Variants in LRP1B observed in about 807,000 individuals in gnomAD.
LRP1B encodes LDL receptor related protein 1B.
LRP1B carries 217 observed loss-of-function variants against 556.6 expected under a neutral mutation model. The ratio of observed to expected loss-of-function variants is 0.39; its 90% CI spans 0.35 to 0.44. The LOEUF (loss-of-function observed/expected upper bound fraction) is 0.44, where lower values mean the gene tolerates loss of function less well. Among genes scored for constraint, LRP1B ranks in the 20% least tolerant of loss-of-function variants. The pLI, the probability that LRP1B is intolerant of heterozygous loss-of-function variation, is 1.00. For missense variants in LRP1B, 5,053 were observed against 5,620.8 expected, an observed-to-expected ratio of 0.90 and a Z score of 3.23; for synonymous variants, 2,047 against 1,865.8, an observed-to-expected ratio of 1.10 and a Z score of -2.50.
At chr2:140,547,299 G>C (rs1680378127) in intron 43 of LRP1B, among the ~76,000 whole-genome samples, 1 of 151,898 alleles carries the variant, frequency 6.6e-6, no homozygotes, top group Admixed American at 6.6e-5. Context: ...TTTTTTGGTT[G>C]GTGGGCTATT....
chr2:141,567,312 A>G (rs1686368312), intron 2 of LRP1B, among the ~76,000 whole-genome samples: 1 of 152,144 alleles, frequency 6.6e-6, no homozygotes. Flanking sequence ...ATTATATATA[A>G]AATTGTTAAG....
intron 3 of LRP1B, among the ~76,000 whole-genome samples, chr2:141,362,140 C>T: frequency 6.6e-6 from 1 of 152,198 alleles, no homozygotes; most frequent in East Asian, 1.9e-4. Flanking sequence ...TGCATCTTCT[C>T]TGCCTTTTCA....
intron 2 of LRP1B, among the ~76,000 whole-genome samples, chr2:141,630,809 A>G (rs1284894401): frequency 6.6e-6 from 1 of 152,330 alleles, no homozygotes; most frequent in Non-Finnish European, 1.5e-5. Context: ...TCTTTATCCA[A>G]CTATCAATTG....
Position 140,769,549 on chromosome 2 carries a change from T to C in LRP1B, c.5627-205A>G, listed in dbSNP as rs149175747. On this transcript the variant is annotated intron_variant, in intron 34 of 90. Coordinates refer to ENST00000389484, the MANE Select transcript of LRP1B (RefSeq NM_018557.3). ...TGTAGTTCTCAAACTTGATTATGCA[T>C]ATGATTTGTTAAAATAGGAATTTAT... Among the ~76,000 whole-genome samples, 345 of 152,104 alleles carry C rather than the reference T, an allele frequency of 2.3e-3. 1 individual carries two copies. The highest frequency in any genetic ancestry group is 3.9e-3 in the Non-Finnish European group (267 of 67,898).
chr2:140,949,938 C>CAAAAAAAAAAA (rs67201185), intron 20 of LRP1B, among the ~76,000 whole-genome samples: 11 of 14,258 alleles, frequency 7.7e-4, no homozygotes, highest in Non-Finnish European at 1.3e-3. Flanking sequence ...GACTCCGTCT[C>CAAAAAAAAAAA]AAAAAAAAAA....
chr2:140,530,795 A>C (rs1188852765), intron 47 of LRP1B, among the ~76,000 whole-genome samples: 11 of 152,236 alleles, frequency 7.2e-5, no homozygotes, highest in Admixed American at 5.2e-4. Flanking sequence ...AACTGTTATA[A>C]TTTTACCATA....
intron 1 of LRP1B, among the ~76,000 whole-genome samples, chr2:142,018,488 T>A (rs1314745502): frequency 6.6e-6 from 1 of 152,144 alleles, no homozygotes; most frequent in East Asian, 1.9e-4. Flanking sequence ...GATTTTTTGG[T>A]GGTTCTTTTA....
intron 1 of LRP1B, among the ~76,000 whole-genome samples, chr2:141,896,967 A>G (rs1200456907): frequency 2.0e-5 from 3 of 152,134 alleles, no homozygotes; most frequent in Admixed American, 6.5e-5. Flanking sequence ...ATCTTTCCCA[A>G]TTGATACCAC....
Position 140,408,089 on chromosome 2 carries a change from A to G in LRP1B, c.10415-22080T>C, listed in dbSNP as rs538845928. ...GAAGTAACTCAGTAATGGAAAATCA[A>G]ATACAATATGTTCTCCCTTATAAGT... On this transcript the variant is annotated intron_variant, in intron 66 of 90. Transcript: ENST00000389484. Among the ~76,000 whole-genome samples, 4 of 152,184 alleles carry G rather than the reference A, an allele frequency of 2.6e-5. 1 individual carries two copies. Among genetic ancestry groups the G allele is most frequent in the Admixed American group, 2.6e-4 (4 of 15,288 alleles).
At chr2:140,998,112 T>C (rs560813413) in intron 15 of LRP1B, among the ~76,000 whole-genome samples, 9 of 152,158 alleles carry the variant, frequency 5.9e-5, no homozygotes, top group African/African-American at 2.2e-4. Flanking sequence ...TGAAGTCCTG[T>C]TTCTTGACAG....
intron 2 of LRP1B, among the ~76,000 whole-genome samples, chr2:141,503,292 T>TTA (rs1396046240): frequency 2.0e-5 from 3 of 148,132 alleles, no homozygotes; most frequent in South Asian, 2.1e-4. Context: ...ACAATTATTT[T>TTA]TATATATATA....
chr2:141,144,608 C>T (rs1014170034), intron 7 of LRP1B, among the ~76,000 whole-genome samples: 2 of 152,142 alleles, frequency 1.3e-5, no homozygotes, highest in Non-Finnish European at 2.9e-5. Flanking sequence ...TAACCATACA[C>T]TTCATGACCC....
intron 59 of LRP1B, 109 bp downstream of exon 59, chr2:140,485,234 C>T (rs1316535209): frequency 7.2e-6 from 5 of 694,350 alleles, no homozygotes; most frequent in Non-Finnish European, 8.8e-6. Context: ...AATTTCTGCA[C>T]ACTTACACGT....
intron 43 of LRP1B, among the ~76,000 whole-genome samples, chr2:140,569,776 A>C (rs1186373429): frequency 1.3e-5 from 2 of 151,922 alleles, no homozygotes; most frequent in Non-Finnish European, 2.9e-5. Flanking sequence ...ATTCTCCAGG[A>C]TAGACCATAT....
chr2:141,923,611 G>A (rs1210257178), intron 1 of LRP1B, among the ~76,000 whole-genome samples: 3 of 150,624 alleles, frequency 2.0e-5, no homozygotes, highest in Non-Finnish European at 3.0e-5. Flanking sequence ...TGAATTTACA[G>A]TAACTTGAGA....
intron 3 of LRP1B, among the ~76,000 whole-genome samples, chr2:141,268,079 A>C (rs986251492): frequency 2.0e-5 from 3 of 152,152 alleles, no homozygotes; most frequent in African/African-American, 7.2e-5. Context: ...AGCTTTGAGA[A>C]GGTATCTCTA....
At chr2:140,750,873 G>C (rs550237311) in intron 35 of LRP1B, among the ~76,000 whole-genome samples, 1 of 152,126 alleles carries the variant, frequency 6.6e-6, no homozygotes, top group East Asian at 1.9e-4. Context: ...GTCTTGAAAT[G>C]CTGCCTCTAT....
At chr2:141,793,532 C>T (rs1043670136) in intron 2 of LRP1B, among the ~76,000 whole-genome samples, 4 of 151,928 alleles carry the variant, frequency 2.6e-5, no homozygotes, top group Non-Finnish European at 5.9e-5. Flanking sequence ...TTAAAAATCA[C>T]TCAAAGTTAT....
intron 1 of LRP1B, among the ~76,000 whole-genome samples, chr2:141,861,170 T>C (rs1461125117): frequency 2.0e-5 from 3 of 152,234 alleles, no homozygotes; most frequent in Non-Finnish European, 4.4e-5. Flanking sequence ...ATTAAAGTTT[T>C]GCCTTTGGCC....
Sources: allele counts gnomAD v4.1 joint callset (sites outside exome capture counted in the v4.1 genomes callset), GRCh38; gene constraint gnomAD v4.1.1; transcripts MANE v1.5; gene names NCBI Gene and HGNC (gene_info 2026-07-23, HGNC 2026-07-21).